Variants in PCDHGA8 observed in about 807,000 individuals in gnomAD.
The protein encoded by PCDHGA8 is protocadherin gamma-A8.
A neutral mutation model predicts 59.2 loss-of-function variants in PCDHGA8; 45 were observed. That is an observed-to-expected ratio of 0.76 (90% CI 0.60 to 0.98). The LOEUF (loss-of-function observed/expected upper bound fraction) is 0.98. PCDHGA8 is among the 50% of genes least tolerant of loss of function. PCDHGA8 has a pLI of 0.00. For missense variants in PCDHGA8, 1,257 were observed against 1,196.2 expected, an observed-to-expected ratio of 1.05 and a Z score of -0.75; for synonymous variants, 531 against 519.0, an observed-to-expected ratio of 1.02 and a Z score of -0.32.
intron 1 of PCDHGA8, chr5:141,404,569 C>T (rs887708182): frequency 6.2e-7 from 1 of 1,613,608 alleles, no homozygotes; most frequent in African/African-American, 1.3e-5. Context: ...ACAGTGGAAG[C>T]CCACCACTTA....
At chr5:141,435,376 A>G (rs1358757887) in intron 1 of PCDHGA8, among the ~76,000 whole-genome samples, 1 of 152,200 alleles carries the variant, frequency 6.6e-6, no homozygotes, top group Non-Finnish European at 1.5e-5. Flanking sequence ...TAAATATACA[A>G]TATACCGTAT....
At position 141,511,262 on chromosome 5, in the gene PCDHGA8, G is replaced by A; in HGVS notation, c.*89G>A. 1 of 1,556,036 alleles carries A rather than the reference G, an allele frequency of 6.4e-7. No individual in the cohort carries two copies. The highest frequency in any genetic ancestry group is 8.7e-7 in the Non-Finnish European group (1 of 1,150,444). On this transcript the variant is annotated 3_prime_UTR_variant, in exon 4 of 4. Transcript: ENST00000398604. ...TGCACCCAGGCCTCAGAGTTTCAGG[G>A]CTAACCCCCAGAATACTGGTAGGGG...
At chr5:141,458,064 C>G (rs886724551) in intron 1 of PCDHGA8, among the ~76,000 whole-genome samples, 1 of 152,104 alleles carries the variant, frequency 6.6e-6, no homozygotes, top group Admixed American at 6.6e-5. Flanking sequence ...TGCACTGATG[C>G]GAACAACTAT....
In PCDHGA8 at chr5:141,403,638, A is replaced by G. The variant is rs373036061; in HGVS notation, c.2424+8401A>G. On this transcript the variant is annotated intron_variant, in intron 1 of 3. Coordinates refer to ENST00000398604, the MANE Select transcript of PCDHGA8 (RefSeq NM_032088.2). ...CGTCGCTCCAGCACAGTGCGCATCCATGTGACAGTGTTGGATACAAATGAT... is the reference window on the plus strand; with the variant it reads ...CGTCGCTCCAGCACAGTGCGCATCCGTGTGACAGTGTTGGATACAAATGAT... The G allele has an allele frequency of 1.5e-5, 25 of 1,613,906 alleles. No individual in the cohort carries two copies. The East Asian group carries it at 4.5e-4, about 29-fold the overall frequency.
intron 1 of PCDHGA8, among the ~76,000 whole-genome samples, chr5:141,466,637 A>G (rs944728391): frequency 1.1e-4 from 16 of 152,234 alleles, no homozygotes; most frequent in Admixed American, 8.5e-4. Flanking sequence ...CATTGTCTCC[A>G]TAAACTTTTC....
intron 1 of PCDHGA8, among the ~76,000 whole-genome samples, chr5:141,479,962 A>G: frequency 6.6e-6 from 1 of 152,226 alleles, no homozygotes; most frequent in Non-Finnish European, 1.5e-5. Context: ...GCAGTTAGTC[A>G]AATGAGGTTC....
Position 141,431,051 on chromosome 5 carries a change from G to C in PCDHGA8, c.2424+35814G>C, listed in dbSNP as rs1280440001. On this transcript the variant is annotated intron_variant, in intron 1 of 3. Coordinates refer to ENST00000398604, the MANE Select transcript of PCDHGA8 (RefSeq NM_032088.2). This position sits in a 1 kb window ranked among gnomAD's most constrained non-coding sequence, Gnocchi z 4.8. ...GATAGACCGGGAGGAGCTCTGTATGGGGGCCATCAAGTGTCAATTAAATCT... is the reference window on the plus strand; with the variant it reads ...GATAGACCGGGAGGAGCTCTGTATGCGGGCCATCAAGTGTCAATTAAATCT... 3 of 1,614,218 alleles carry C rather than the reference G, an allele frequency of 1.9e-6. No homozygotes were observed. Among genetic ancestry groups the C allele is most frequent in the East Asian group, 2.2e-5 (1 of 44,886 alleles).
chr5:141,401,010 G>A (rs62378449), intron 1 of PCDHGA8, among the ~76,000 whole-genome samples: 17,448 of 152,052 alleles, frequency 0.11, 1,158 homozygotes, highest in African/African-American at 0.18. Context: ...CCTACCTAAT[G>A]GATTTATGAT....
chr5:141,416,130 C>T (rs907950687), intron 1 of PCDHGA8: 1 of 154,098 alleles, frequency 6.5e-6, no homozygotes, highest in African/African-American at 2.4e-5. Context: ...ATATATTTTT[C>T]AATCTATACT....
chr5:141,411,969 T>G (rs2095526864), intron 1 of PCDHGA8: 1 of 152,258 alleles, frequency 6.6e-6, no homozygotes, highest in Non-Finnish European at 1.5e-5. Context: ...ATAAAATCTT[T>G]GAAGAGTTCT....
chr5:141,469,747 C>T (rs1392088794), intron 1 of PCDHGA8, among the ~76,000 whole-genome samples: 1 of 152,134 alleles, frequency 6.6e-6, no homozygotes, highest in Non-Finnish European at 1.5e-5. Context: ...TCAAAAATTA[C>T]AAAAATACAT....
intron 1 of PCDHGA8, among the ~76,000 whole-genome samples, chr5:141,435,715 A>G (rs528951395): frequency 6.6e-6 from 1 of 152,328 alleles, no homozygotes; most frequent in African/African-American, 2.4e-5. Context: ...ACAGACACTG[A>G]ATGCTAAAGT....
At chr5:141,447,313 T>C (rs2098534296) in intron 1 of PCDHGA8, among the ~76,000 whole-genome samples, 1 of 152,146 alleles carries the variant, frequency 6.6e-6, no homozygotes, top group African/African-American at 2.4e-5. Context: ...CTAATTTTTG[T>C]ATTTTTAGTA....
In PCDHGA8 at chr5:141,486,858, C is replaced by T. The variant is rs2099636039; in HGVS notation, c.2425-7949C>T. The T allele has an allele frequency of 2.5e-6, 4 of 1,614,246 alleles. No homozygotes were observed. The highest frequency in any genetic ancestry group is 1.1e-5 in the South Asian group (1 of 91,088). On this transcript the variant is annotated intron_variant, in intron 1 of 3. Transcript: ENST00000398604. The surrounding 1 kb of genome is among the most constrained non-coding windows in gnomAD (Gnocchi z 5.0). ...TTTGTGCTGGACCTCAATGACAATGCTCCAGCTGTGCTCCGTCCTCGGGCC... is the reference window on the plus strand; with the variant it reads ...TTTGTGCTGGACCTCAATGACAATGTTCCAGCTGTGCTCCGTCCTCGGGCC...
At chr5:141,416,998 CAAAT>C (rs2096073182) in intron 1 of PCDHGA8, 1 of 150,816 alleles carries the variant, frequency 6.6e-6, no homozygotes, top group South Asian at 2.1e-4. Flanking sequence ...GCATTCATCT[CAAAT>C]AATTCTATTA....
rs543038539 is a variant in PCDHGA8 at position 141,415,850 on chromosome 5, C to A, written c.2424+20613C>A. 7.3e-6 allele frequency: 9 copies of A among 1,230,004 alleles called. No homozygotes were observed. In the East Asian group the frequency reaches 2.6e-4, roughly 35 times the overall value. The allele number at this position is 1,230,004 out of a possible 1,614,324, so 76.2% of individuals were successfully genotyped here. ...TTTGTTATGATTAGCTTTGCAGAAC[C>A]TTGTAGTTTATAGTGTTGTTGAGTA... On this transcript the variant is annotated intron_variant, in intron 1 of 3. Coordinates refer to ENST00000398604, the MANE Select transcript of PCDHGA8 (RefSeq NM_032088.2).
chr5:141,498,994 AAGG>A (rs1310594976), intron 2 of PCDHGA8, among the ~76,000 whole-genome samples: 4 of 148,560 alleles, frequency 2.7e-5, no homozygotes, highest in Non-Finnish European at 4.5e-5. Flanking sequence ...GGAAGGAAGG[AAGG>A]AAGGAAGGAA....
rs36031641 is a variant in PCDHGA8 at position 141,434,771 on chromosome 5, T to TA, written c.2424+39547dup. ...CCCCTGATTCCCCACTTCACACTTCTAAAAAAAAAAAAATTTTTTTTTCTG... is the reference window on the plus strand; with the variant it reads ...CCCCTGATTCCCCACTTCACACTTCTAAAAAAAAAAAAAATTTTTTTTTCTG... On this transcript the variant is annotated intron_variant, in intron 1 of 3. Coordinates refer to ENST00000398604, the MANE Select transcript of PCDHGA8 (RefSeq NM_032088.2). Among the ~76,000 whole-genome samples, 71 of 145,288 alleles carry TA rather than the reference T, an allele frequency of 4.9e-4. 1 individual carries two copies. The highest frequency in any genetic ancestry group is 3.6e-3 in the Middle Eastern group (1 of 278).
At position 141,393,369 on chromosome 5, in the gene PCDHGA8, G is replaced by A. The variant is rs748036677; in HGVS notation, c.556G>A (p.Asp186Asn). 19 of 1,613,962 alleles carry A rather than the reference G, an allele frequency of 1.2e-5. No homozygotes were observed. In the South Asian group the frequency reaches 2.0e-4, roughly 17 times the overall value. ...HHFSLDVQTG[D>N]NGAINPELVL... Reference sequence around the variant, plus strand: ...CTTCTCCCTGGACGTGCAGACTGGAGACAATGGAGCCATAAACCCAGAGCT... The same window carrying A: ...CTTCTCCCTGGACGTGCAGACTGGAAACAATGGAGCCATAAACCCAGAGCT... Residue 186 changes from aspartate (D) to asparagine (N), a missense_variant, in exon 1 of 4, where the codon GAC becomes AAC. Coordinates refer to ENST00000398604, the MANE Select transcript of PCDHGA8 (RefSeq NM_032088.2).
Sources: allele counts gnomAD v4.1 joint callset (sites outside exome capture counted in the v4.1 genomes callset), GRCh38; gene constraint gnomAD v4.1.1; non-coding constraint Gnocchi (gnomAD v3.1); transcripts MANE v1.5; gene names NCBI Gene and HGNC (gene_info 2026-07-23, HGNC 2026-07-21).